The following ADCY6 variants were observed in gnomAD, a reference collection of about 807,000 sequenced individuals.
ADCY6 encodes adenylate cyclase 6.
In ADCY6, 59 loss-of-function variants were observed where a neutral mutation model predicts 111.6. The observed-to-expected ratio is 0.53, with a 90% CI of 0.43 to 0.66. The LOEUF (loss-of-function observed/expected upper bound fraction) is 0.66, where lower values mean the gene tolerates loss of function less well. Ranked by LOEUF, ADCY6 falls within the 30% of genes least tolerant of loss-of-function variation. ADCY6 has a pLI of 0.00. For missense variants in ADCY6, 1,242 were observed against 1,595.6 expected (o/e 0.78, Z 3.78); for synonymous variants, 576 against 642.9 (o/e 0.90, Z 1.57).
chr12:48,770,810 T>C lies in ADCY6; in HGVS notation c.3212A>G (p.Lys1071Arg), dbSNP rs144655757. ...DYAMRLMEQMKHINEHSFNNF... is the reference protein window; with the variant it reads ...DYAMRLMEQMRHINEHSFNNF... ...GTTGAAGGAGTGCTCATTGATGTGCTTCATCTGCTCCATGAGCCGCATGGC... is the reference window on the plus strand; with the variant it reads ...GTTGAAGGAGTGCTCATTGATGTGCCTCATCTGCTCCATGAGCCGCATGGC... Residue 1071 changes from lysine to arginine, a missense_variant, in exon 20 of 22, where the codon AAG (lysine) becomes AGG (arginine). By Grantham distance (26) the Lys-to-Arg change is conservative. Coordinates refer to ENST00000357869, the MANE Select transcript of ADCY6 (RefSeq NM_015270.5). 14 of 1,614,110 alleles carry C rather than the reference T, an allele frequency of 8.7e-6. No homozygotes were observed. The highest frequency in any genetic ancestry group is 1.1e-5 in the Non-Finnish European group (13 of 1,180,042).
rs1374227457 is a variant in ADCY6 at position 48,767,393 on chromosome 12, T to G, written c.*1198A>C. ...CACTCCTGTGCAACCTGGGCATCTC[T>G]CTACATCCCCTGAAGTAGGAAACCC... On this transcript the variant is annotated 3_prime_UTR_variant, in exon 22 of 22. Coordinates refer to ENST00000357869, the MANE Select transcript of ADCY6 (RefSeq NM_015270.5). The G allele has an allele frequency of 6.6e-6, 1 of 152,600 alleles. No individual in the cohort carries two copies. Among genetic ancestry groups the G allele is most frequent in the Non-Finnish European group, 1.5e-5 (1 of 68,084 alleles). The allele number at this position is 152,600 out of a possible 1,614,324, so 9.5% of individuals were successfully genotyped here.
chr12:48,775,279 C>A, intron 11 of ADCY6, 24 bp downstream of exon 11: 1 of 1,613,620 alleles, frequency 6.2e-7, no homozygotes, highest in Non-Finnish European at 8.5e-7. Flanking sequence ...CAGCCCTTGT[C>A]CTTCTGCCCT....
At chr12:48,786,266 C>T (rs1234007928) in intron 1 of ADCY6, among the ~76,000 whole-genome samples, 1 of 152,190 alleles carries the variant, frequency 6.6e-6, no homozygotes, top group African/African-American at 2.4e-5. Context: ...CTGGGGAATT[C>T]TCTGCATACC....
Position 48,783,429 on chromosome 12 carries a change from T to C in ADCY6, c.6A>G (p.Ser2=), listed in dbSNP as rs780803395. 6 of 1,614,178 alleles carry C rather than the reference T, an allele frequency of 3.7e-6. No individual in the cohort carries two copies. The Admixed American group carries it at 1.0e-4, about 27-fold the overall frequency. The stretch of plus-strand genomic sequence containing the variant: ...TAGGGACCAGGAGGCCACTAAACCA[T>C]GACATGTTGCTGGTAGGGAAGGAAG... The part of the protein sequence containing the change: M[S]WFSGLLVPKV... Residue 2 remains serine (S), a synonymous_variant, in exon 2 of 22, where the codon TCA becomes TCG. Transcript: ENST00000357869.
rs771642151 is a variant in ADCY6, at chr12:48,773,501, G to C, written c.2589C>G (p.Asp863Glu). Residue 863 changes from aspartate (D) to glutamate (E), a missense_variant, in exon 16 of 22, where the codon GAC becomes GAG. Asp to Glu is a conservative substitution (Grantham distance 45). This residue lies in a region of ADCY6 where 375 missense variants were observed against 432.5 expected (regional missense o/e 0.87). Coordinates refer to ENST00000357869, the MANE Select transcript of ADCY6 (RefSeq NM_015270.5). Reference sequence around the variant, plus strand: ...GGACGCCAAGCAGTAGGTCATAGTTGTCAAAGATGGTGGCTGGGGGACCCA... The same window carrying C: ...GGACGCCAAGCAGTAGGTCATAGTTCTCAAAGATGGTGGCTGGGGGACCCA... ...LLLGPPATIF[D>E]NYDLLLGVHG... The C allele has an allele frequency of 3.7e-6, 6 of 1,614,066 alleles. No homozygotes were observed. The highest frequency in any genetic ancestry group is 5.1e-6 in the Non-Finnish European group (6 of 1,179,978).
rs1941625653 is a variant in ADCY6 at position 48,774,017 on chromosome 12, G to A, written c.2365C>T (p.Leu789=). The A allele has an allele frequency of 6.2e-7, 1 of 1,613,498 alleles. No homozygotes were observed. The highest frequency in any genetic ancestry group is 8.5e-7 in the Non-Finnish European group (1 of 1,179,724). ...LTPADITACH[L]QQLNYSLGLD... ...CCCAGAGAGTAATTGAGCTGCTGCA[G>A]GTGGCAGGCAGTGATGTCAGCAGGT... Residue 789 remains leucine, a synonymous_variant, in exon 15 of 22, where the codon CTG becomes TTG. Coordinates refer to ENST00000357869, the MANE Select transcript of ADCY6 (RefSeq NM_015270.5).
Position 48,775,317 on chromosome 12 carries a change from CCT to C in ADCY6, c.1964_1965del (p.Glu655GlyfsTer3). Reference protein sequence around the residue: ...VRRFLLTFQREDLEKKYSRKV... With the variant: ...VRRFLLTFQRXDLEKKYSRKV... ...ATCCCTCAAACCTTCTTCTCAAGAT[CCT>C]CTCTCTGGAAGGTGAGCAGAAACCG... is the stretch of plus-strand genomic sequence containing the variant. On this transcript the variant is annotated frameshift_variant, in exon 11 of 22. Transcript: ENST00000357869. LOFTEE classifies it high-confidence loss of function. 1.2e-6 allele frequency: 2 copies of C among 1,614,080 alleles called. No homozygotes were observed. The highest frequency in any genetic ancestry group is 1.7e-6 in the Non-Finnish European group (2 of 1,180,000).
At chr12:48,772,728 G>A (rs936593803) in intron 16 of ADCY6, among the ~76,000 whole-genome samples, 185 bp from the exon 17 acceptor site, 8 of 152,146 alleles carry the variant, frequency 5.3e-5, no homozygotes, top group African/African-American at 1.7e-4. Context: ...TGCTCTTAGA[G>A]ACTCCTCTAC....
chr12:48,773,960 G>C lies in ADCY6; in HGVS notation c.2422C>G (p.Pro808Ala). ...AACACCTCAGGAAAGCTGCAGGTGG[G>C]CATGGTGCCCTCACACAGGGGAGCA... ...LDAPLCEGTMPTCSFPEYFIG... is the reference protein window; with the variant it reads ...LDAPLCEGTMATCSFPEYFIG... Residue 808 changes from proline (P) to alanine (A), a missense_variant, in exon 15 of 22, where the codon CCC (proline) becomes GCC (alanine). Physicochemically the swap from Pro to Ala is conservative, Grantham distance 27. Transcript: ENST00000357869. 6.2e-7 allele frequency: 1 copy of C among 1,613,756 alleles called. No homozygotes were observed. The highest frequency in any genetic ancestry group is 8.5e-7 in the Non-Finnish European group (1 of 1,179,850).
rs1425235320 is a variant in ADCY6, at chr12:48,776,037, C to T, written c.1732G>A (p.Glu578Lys). 1 of 1,613,426 alleles carries T rather than the reference C, an allele frequency of 6.2e-7. No individual in the cohort carries two copies. The highest frequency in any genetic ancestry group is 2.2e-5 in the East Asian group (1 of 44,840). Residue 578 changes from glutamate (E) to lysine (K), a missense_variant, in exon 9 of 22, where the codon GAA becomes AAA. Around this residue, in one of 4 missense-constraint regions of ADCY6, gnomAD observed 375 missense variants for 432.5 expected, o/e 0.87. Coordinates refer to ENST00000357869, the MANE Select transcript of ADCY6 (RefSeq NM_015270.5). The surrounding 1 kb of genome is among the most constrained non-coding windows in gnomAD (Gnocchi z 6.1). The part of the protein sequence containing the change: ...KLQRTRANSM[E>K]GLMPRWVPDR... ...GGAACCCAGCGCGGCATCAGCCCTT[C>T]CATGGAGTTGGCCCGAGTCCGCTGC...
chr12:48,773,781 A>G, intron 15 of ADCY6, 134 bp from the exon 16 acceptor site: 1 of 1,438,092 alleles, frequency 7.0e-7, no homozygotes, highest in Non-Finnish European at 9.6e-7. Context: ...TCCACCTTCC[A>G]TGCCCAGCCC....
intron 1 of ADCY6, among the ~76,000 whole-genome samples, chr12:48,784,569 GGGCA>G (rs1459765188): frequency 6.6e-6 from 1 of 151,716 alleles, no homozygotes; most frequent in African/African-American, 2.4e-5. Context: ...CCTGTGCATG[GGGCA>G]GGCACCACCC....
intron 2 of ADCY6, among the ~76,000 whole-genome samples, chr12:48,779,385 C>T (rs1361944713): frequency 1.3e-5 from 2 of 152,270 alleles, no homozygotes; most frequent in African/African-American, 4.8e-5. Flanking sequence ...GCATTCCATA[C>T]TTTGTAGTGC....
In ADCY6 at chr12:48,766,620, T is replaced by A. The variant is rs183152956; in HGVS notation, c.*1971A>T. On this transcript the variant is annotated 3_prime_UTR_variant, in exon 22 of 22. Coordinates refer to ENST00000357869, the MANE Select transcript of ADCY6 (RefSeq NM_015270.5). ...TTTCCCCTCCTTCTGCCATGACTAATGAAGTACCTGATGGCCCATTTGGTT... is the reference window on the plus strand; with the variant it reads ...TTTCCCCTCCTTCTGCCATGACTAAAGAAGTACCTGATGGCCCATTTGGTT... The A allele has an allele frequency of 6.6e-6, 1 of 152,642 alleles. No individual in the cohort carries two copies. The highest frequency in any genetic ancestry group is 6.5e-5 in the Admixed American group (1 of 15,274). 9.5% of individuals were successfully genotyped at this position (152,642 alleles called of 1,614,324 possible). A position where few individuals can be genotyped will look rare whatever the true frequency, so the allele number is the denominator to read the frequency against.
chr12:48,780,712 G>A (rs930870168), intron 2 of ADCY6, among the ~76,000 whole-genome samples: 4 of 152,184 alleles, frequency 2.6e-5, no homozygotes, highest in African/African-American at 9.7e-5. Context: ...GAGGAAGGGG[G>A]AAAGGAGACA....
Position 48,782,806 on chromosome 12 carries a change from AC to A in ADCY6, c.628del (p.Val210TrpfsTer2). On this transcript the variant is annotated frameshift_variant, in exon 2 of 22. Transcript: ENST00000357869. LOFTEE classifies it high-confidence loss of function. This position sits in a 1 kb window ranked among gnomAD's most constrained non-coding sequence, Gnocchi z 4.3. ...RHSFRQDSMW[V>X]VSYVVLGILA... ...GATGCCCAGCACCACGTAGCTCACC[AC>A]CCACATGGAGTCCTGGCGGAAGCTA... 1 of 1,613,850 alleles carries A rather than the reference AC, an allele frequency of 6.2e-7. No homozygotes were observed. The highest frequency in any genetic ancestry group is 8.5e-7 in the Non-Finnish European group (1 of 1,179,904).
rs1418492011 is a variant in ADCY6 at position 48,782,756 on chromosome 12, C to A, written c.679G>T (p.Ala227Ser). 2 of 1,608,840 alleles carry A rather than the reference C, an allele frequency of 1.2e-6. No individual in the cohort carries two copies. Among genetic ancestry groups the A allele is most frequent in the South Asian group, 2.2e-5 (2 of 90,374 alleles). Residue 227 changes from alanine (A) to serine (S), a missense_variant, in exon 2 of 22, where the codon GCT becomes TCT. Transcript: ENST00000357869. This position sits in a 1 kb window ranked among gnomAD's most constrained non-coding sequence, Gnocchi z 4.3. ...GGGCTGCGCGGGTCTGCTGCGAGAG[C>A]GCCCCCGACCTGCACTGCCGCCAGG... ...GILAAVQVGGALAADPRSPSA... is the reference protein window; with the variant it reads ...GILAAVQVGGSLAADPRSPSA...
intron 2 of ADCY6, among the ~76,000 whole-genome samples, chr12:48,779,054 A>AT (rs1481433502): frequency 6.6e-6 from 1 of 150,764 alleles, no homozygotes; most frequent in South Asian, 2.1e-4. Context: ...ATTTTTGTAT[A>AT]TTTTTTTAGT....
upstream of ADCY6, chr12:48,789,177 C>T (rs1302354171): frequency 6.6e-6 from 1 of 152,282 alleles, no homozygotes; most frequent in Non-Finnish European, 1.5e-5. Context: ...ATCCCCCTCC[C>T]CCTCCCCAGA....
Sources: allele counts gnomAD v4.1 joint callset (sites outside exome capture counted in the v4.1 genomes callset), GRCh38; gene constraint gnomAD v4.1.1; regional missense constraint gnomAD v4.1.1; non-coding constraint Gnocchi (gnomAD v3.1); transcripts MANE v1.5; gene names NCBI Gene and HGNC (gene_info 2026-07-23, HGNC 2026-07-21).